The following ARHGAP39 variants were observed in gnomAD, a reference collection of about 807,000 sequenced individuals.
The protein encoded by ARHGAP39 is Rho GTPase activating protein 39.
In ARHGAP39, 44 loss-of-function variants were observed where a neutral mutation model predicts 106.9. That is an observed-to-expected ratio of 0.41 (90% CI 0.32 to 0.53). ARHGAP39 has a LOEUF of 0.53. Ranked by LOEUF, ARHGAP39 falls within the 20% of genes least tolerant of loss-of-function variation. The pLI is 0.21. For synonymous variants in ARHGAP39, 768 were observed against 693.2 expected, an observed-to-expected ratio of 1.11 and a Z score of -1.69; for missense variants, 1,496 against 1,577.3, an observed-to-expected ratio of 0.95 and a Z score of 0.87.
chr8:144,531,241 ACAGG>A (rs1564831643), intron 10 of ARHGAP39, among the ~76,000 whole-genome samples: 563 of 31,380 alleles, frequency 0.018, 15 homozygotes, highest in African/African-American at 0.036. Flanking sequence ...GCAGAAGGGC[ACAGG>A]GCAGCGAGCA....
chr8:144,529,781 C>T lies in ARHGAP39; in HGVS notation c.*641G>A, dbSNP rs1816586448. On this transcript the variant is annotated 3_prime_UTR_variant, in exon 12 of 12. Transcript: ENST00000377307. The stretch of plus-strand genomic sequence containing the variant: ...AAGAAAAAAATACTCTCGCCCCTCC[C>T]CCACCCTGCCCCCAGAATGCCTGCC... The T allele has an allele frequency of 6.6e-6, 1 of 152,232 alleles. No individual in the cohort carries two copies. The highest frequency in any genetic ancestry group is 1.5e-5 in the Non-Finnish European group (1 of 68,084). 9.4% of individuals were successfully genotyped at this position (152,232 alleles called of 1,614,324 possible). A position where few individuals can be genotyped will look rare whatever the true frequency, so the allele number is the denominator to read the frequency against.
chr8:144,680,975 G>C lies in ARHGAP39; in HGVS notation c.-82+4711C>G, dbSNP rs371777929. ...TGGCAGGCACCAGTGACCAACACGAGTTTTAGGGAAGACTACCCCTGCAAA... is the reference window on the plus strand; with the variant it reads ...TGGCAGGCACCAGTGACCAACACGACTTTTAGGGAAGACTACCCCTGCAAA... On this transcript the variant is annotated intron_variant, in intron 1 of 11. Transcript: ENST00000377307. 1.0e-3 allele frequency among the ~76,000 whole-genome samples: 158 copies of C among 152,196 alleles called. 1 individual carries two copies. The highest frequency in any genetic ancestry group is 3.4e-3 in the African/African-American group (140 of 41,434).
upstream of ARHGAP39, among the ~76,000 whole-genome samples, chr8:144,690,203 C>T (rs2129805700): frequency 6.6e-6 from 1 of 152,020 alleles, no homozygotes; most frequent in Admixed American, 6.5e-5. Flanking sequence ...TCCCCAGTAG[C>T]TAAGATTCAA....
intron 6 of ARHGAP39, among the ~76,000 whole-genome samples, chr8:144,544,501 C>T (rs114827989): frequency 0.013 from 1,943 of 152,318 alleles, 42 homozygotes; most frequent in African/African-American, 0.044. Context: ...TGTGTGTGCG[C>T]GTGCATTTCT....
the ARHGAP39 span, among the ~76,000 whole-genome samples, chr8:144,697,989 C>T: frequency 2.0e-5 from 3 of 152,196 alleles, no homozygotes; most frequent in South Asian, 6.2e-4. Flanking sequence ...TCTTTGAGCT[C>T]TATCATTTTG....
intron 2 of ARHGAP39, among the ~76,000 whole-genome samples, chr8:144,587,001 C>T (rs116502954): frequency 0.011 from 1,599 of 152,256 alleles, 30 homozygotes; most frequent in African/African-American, 0.037. Flanking sequence ...ATCCTGTTCT[C>T]GTGATAGTGA....
intron 1 of ARHGAP39, among the ~76,000 whole-genome samples, chr8:144,677,404 T>C (rs1235852303): frequency 1.3e-5 from 2 of 152,298 alleles, no homozygotes; most frequent in Non-Finnish European, 1.5e-5. Flanking sequence ...AGTGCAGAAA[T>C]AAAGACACTA....
chr8:144,602,787 C>CGT (rs754585307), intron 2 of ARHGAP39, among the ~76,000 whole-genome samples: 1 of 85,984 alleles, frequency 1.2e-5, no homozygotes, highest in Non-Finnish European at 2.2e-5. Context: ...TGCATGGAGG[C>CGT]GTGTGTGTGC....
At chr8:144,658,675 ATCATAAC>A (rs1189302658) in intron 1 of ARHGAP39, among the ~76,000 whole-genome samples, 2 of 152,162 alleles carry the variant, frequency 1.3e-5, no homozygotes, top group Non-Finnish European at 2.9e-5. Context: ...ATGACTGTGT[ATCATAAC>A]AAACAGCGAA....
chr8:144,589,233 TA>T (rs1211025366), intron 2 of ARHGAP39, among the ~76,000 whole-genome samples: 2 of 152,160 alleles, frequency 1.3e-5, no homozygotes, highest in African/African-American at 2.4e-5. Context: ...AAAGTTTGCT[TA>T]AAAAAAGTAA....
chr8:144,545,766 C>G lies in ARHGAP39; in HGVS notation c.2004G>C (p.Gln668His), dbSNP rs767327538. ...AACAQFESSR[Q>H]SRSGVPSSSC... Reference sequence around the variant, plus strand: ...TGGAGCTGGGAACGCCGCTGCGGCTCTGCCGGCTGCTCTCGAACTGGGCAC... The same window carrying G: ...TGGAGCTGGGAACGCCGCTGCGGCTGTGCCGGCTGCTCTCGAACTGGGCAC... The change falls in exon 6 of 12, where the codon CAG becomes CAC. Residue 668 changes from glutamine (Q) to histidine (H), a missense_variant. By Grantham distance (24) the Gln-to-His change is conservative (BLOSUM62 0). Around this residue, in one of 4 missense-constraint regions of ARHGAP39, gnomAD observed 905 missense variants for 816.4 expected, o/e 1.11. Transcript: ENST00000377307. 6.2e-7 allele frequency: 1 copy of G among 1,600,458 alleles called. No homozygotes were observed. The highest frequency in any genetic ancestry group is 2.2e-5 in the East Asian group (1 of 44,652).
At chr8:144,550,439 C>T (rs1413318701) in intron 4 of ARHGAP39, among the ~76,000 whole-genome samples, 1 of 152,182 alleles carries the variant, frequency 6.6e-6, no homozygotes, top group Non-Finnish European at 1.5e-5. Flanking sequence ...ATCTCTAAAA[C>T]AAACAACAAC....
In ARHGAP39 at chr8:144,604,344, C is replaced by G. The variant is rs1820203543; in HGVS notation, c.80+1191G>C. On this transcript the variant is annotated intron_variant, in intron 2 of 11. Transcript: ENST00000377307. The surrounding 1 kb of genome is among the most constrained non-coding windows in gnomAD (Gnocchi z 4.1). Reference sequence around the variant, plus strand: ...ACCTGTATGGCATTCTCCTGAAAAACTGTCAGACAAACCCAAACCAAGGAA... The same window carrying G: ...ACCTGTATGGCATTCTCCTGAAAAAGTGTCAGACAAACCCAAACCAAGGAA... Among the ~76,000 whole-genome samples, 1 of 152,184 alleles carries G rather than the reference C, an allele frequency of 6.6e-6. No homozygotes were observed. The highest frequency in any genetic ancestry group is 1.5e-5 in the Non-Finnish European group (1 of 68,026).
intron 1 of ARHGAP39, among the ~76,000 whole-genome samples, chr8:144,613,615 T>G (rs1162575176): frequency 1.4e-5 from 2 of 146,378 alleles, no homozygotes; most frequent in East Asian, 4.0e-4. Flanking sequence ...AAGGCCTTGC[T>G]TTTTTTTTTT....
chr8:144,575,432 C>T lies in ARHGAP39; in HGVS notation c.512+5414G>A, dbSNP rs561855845. 8.4e-4 allele frequency among the ~76,000 whole-genome samples: 128 copies of T among 152,258 alleles called. 1 individual carries two copies. The South Asian group carries it at 0.024, about 28-fold the overall frequency. ...ACAAAATATTTTCTTTCTTTACATT[C>T]TTATTCTATAAGCTTTTTTAATTTA... On this transcript the variant is annotated intron_variant, in intron 3 of 11. Coordinates refer to ENST00000377307, the MANE Select transcript of ARHGAP39 (RefSeq NM_025251.3).
At chr8:144,533,361 G>C (rs1340047141) in intron 8 of ARHGAP39, 36 bp from the exon 9 acceptor site, 2 of 1,593,206 alleles carry the variant, frequency 1.3e-6, no homozygotes, top group South Asian at 2.2e-5. Context: ...GTCTGGCCTG[G>C]CCATCCTCAG....
At chr8:144,682,237 T>A (rs781642260) in intron 1 of ARHGAP39, among the ~76,000 whole-genome samples, 317 of 71,112 alleles carry the variant, frequency 4.5e-3, no homozygotes, top group East Asian at 7.0e-3. Flanking sequence ...AGAGCAAGAC[T>A]CTATCTCAAA....
At chr8:144,643,697 A>G (rs77594138) in intron 1 of ARHGAP39, among the ~76,000 whole-genome samples, 4,144 of 152,310 alleles carry the variant, frequency 0.027, 251 homozygotes, top group East Asian at 0.24. Context: ...ACTCAATGTT[A>G]CTAAAGGACC....
At chr8:144,536,601 C>G (rs1367645628) in intron 7 of ARHGAP39, among the ~76,000 whole-genome samples, 1 of 152,178 alleles carries the variant, frequency 6.6e-6, no homozygotes, top group Non-Finnish European at 1.5e-5. Context: ...AATCTCACCC[C>G]TACATTGCAG....
Sources: allele counts gnomAD v4.1 joint callset (sites outside exome capture counted in the v4.1 genomes callset), GRCh38; gene constraint gnomAD v4.1.1; regional missense constraint gnomAD v4.1.1; non-coding constraint Gnocchi (gnomAD v3.1); transcripts MANE v1.5; gene names NCBI Gene and HGNC (gene_info 2026-07-23, HGNC 2026-07-21).